Variants in CEMIP observed in about 807,000 individuals in gnomAD.
The protein encoded by CEMIP is cell migration-inducing and hyaluronan-binding protein.
CEMIP carries 105 observed loss-of-function variants against 156.9 expected under a neutral mutation model. The observed-to-expected ratio is 0.67, with a 90% CI of 0.57 to 0.79. The LOEUF is 0.79. Ranked by LOEUF, CEMIP falls within the 30% of genes least tolerant of loss-of-function variation. CEMIP has a pLI of 0.00. For missense variants in CEMIP, 1,457 were observed against 1,769.4 expected (o/e 0.82, Z 3.17); for synonymous variants, 676 against 668.4 (o/e 1.01, Z -0.17).
intron 29 of CEMIP, 183 bp downstream of exon 29, chr15:80,947,248 T>A: frequency 1.7e-6 from 1 of 598,222 alleles, no homozygotes; most frequent in Non-Finnish European, 3.0e-6. Context: ...GCCACCTGTT[T>A]ACCACCCCTG....
chr15:80,922,792 T>TC (rs1900523887), intron 17 of CEMIP, among the ~76,000 whole-genome samples: 1 of 152,126 alleles, frequency 6.6e-6, no homozygotes, highest in Admixed American at 6.5e-5. Context: ...GTCAAGGACT[T>TC]CCCAGTGAGG....
At chr15:80,868,195 GACC>G (rs1188756881) in intron 1 of CEMIP, among the ~76,000 whole-genome samples, 3 of 152,216 alleles carry the variant, frequency 2.0e-5, no homozygotes, top group Admixed American at 2.0e-4. Flanking sequence ...AAGCTTCTCT[GACC>G]ACCACAAGAA....
chr15:80,822,221 G>A (rs1033103716), intron 1 of CEMIP, among the ~76,000 whole-genome samples: 11 of 152,138 alleles, frequency 7.2e-5, no homozygotes, highest in South Asian at 2.1e-4. Context: ...TCCCAGTGCC[G>A]AGCCCAGAGC....
chr15:80,826,381 C>T (rs1897038504), intron 1 of CEMIP, among the ~76,000 whole-genome samples: 1 of 152,128 alleles, frequency 6.6e-6, no homozygotes. Flanking sequence ...TACATCTTGC[C>T]TTAGGGTAAG....
intron 1 of CEMIP, among the ~76,000 whole-genome samples, chr15:80,798,506 A>C (rs749571225): frequency 6.6e-6 from 1 of 152,200 alleles, no homozygotes; most frequent in Admixed American, 6.5e-5. Context: ...AATTGTGTAC[A>C]ACAGTGTTAT....
intron 10 of CEMIP, among the ~76,000 whole-genome samples, chr15:80,890,201 G>A (rs1898988799): frequency 6.6e-6 from 1 of 152,146 alleles, no homozygotes; most frequent in Non-Finnish European, 1.5e-5. Context: ...GGAGAAATAG[G>A]CAAAGTAAAT....
chr15:80,838,754 T>C (rs1385222678), intron 1 of CEMIP, among the ~76,000 whole-genome samples: 1 of 152,174 alleles, frequency 6.6e-6, no homozygotes, highest in Non-Finnish European at 1.5e-5. Flanking sequence ...AGTACTTCCA[T>C]GTTCTCTCTT....
At chr15:80,821,874 A>G (rs1193834368) in intron 1 of CEMIP, among the ~76,000 whole-genome samples, 1 of 152,228 alleles carries the variant, frequency 6.6e-6, no homozygotes, top group African/African-American at 2.4e-5. Context: ...TTAGAAAGGT[A>G]TGCATGTCAG....
At chr15:80,834,070 C>G (rs1897216763) in intron 1 of CEMIP, among the ~76,000 whole-genome samples, 1 of 152,188 alleles carries the variant, frequency 6.6e-6, no homozygotes, top group South Asian at 2.1e-4. Context: ...CCTTCATCCA[C>G]TAGGTGCCAA....
chr15:80,866,467 C>T (rs1268846144), intron 1 of CEMIP, among the ~76,000 whole-genome samples: 1 of 152,080 alleles, frequency 6.6e-6, no homozygotes, highest in African/African-American at 2.4e-5. Context: ...TGGTGGGCGC[C>T]TGTAATCCCA....
intron 12 of CEMIP, among the ~76,000 whole-genome samples, chr15:80,900,286 T>C (rs909521502): frequency 1.3e-5 from 2 of 151,826 alleles, no homozygotes; most frequent in South Asian, 4.2e-4. Flanking sequence ...ACTGCCTGGG[T>C]CAGCTGCTTC....
At chr15:80,781,396 G>A (rs1001257572) in intron 1 of CEMIP, among the ~76,000 whole-genome samples, 1 of 152,088 alleles carries the variant, frequency 6.6e-6, no homozygotes, top group East Asian at 1.9e-4. Flanking sequence ...ATTTCCAAAG[G>A]CTCCTTTTTA....
intron 1 of CEMIP, among the ~76,000 whole-genome samples, chr15:80,840,226 T>G (rs2141703964): frequency 6.6e-6 from 1 of 152,000 alleles, no homozygotes; most frequent in South Asian, 2.1e-4. Flanking sequence ...TGTGGAAGTG[T>G]GATAGAGGAG....
chr15:80,900,708 T>C (rs1482337433), intron 12 of CEMIP: 1 of 329,698 alleles, frequency 3.0e-6, no homozygotes, highest in African/African-American at 2.2e-5. Context: ...GTCTGTCTGT[T>C]CTGGAGAGGC....
In CEMIP at chr15:80,933,420, C is replaced by A. The variant is rs1901001425; in HGVS notation, c.2969C>A (p.Pro990His). 2 of 1,614,046 alleles carry A rather than the reference C, an allele frequency of 1.2e-6. No individual in the cohort carries two copies. The highest frequency in any genetic ancestry group is 1.7e-6 in the Non-Finnish European group (2 of 1,180,048). ...LVRHPDCINV[P>H]DWRGAICSGC... is the part of the protein sequence containing the mutation. The stretch of plus-strand genomic sequence containing the variant: ...CGGCACCCAGACTGCATCAATGTTC[C>A]CGACTGGAGAGGGGCCATTTGCAGT... Residue 990 changes from proline to histidine, a missense_variant, in exon 23 of 30, where the codon CCC becomes CAC. Pro to His is a moderately conservative substitution (Grantham distance 77, BLOSUM62 -2). Transcript: ENST00000394685.
rs557847058 is a variant in CEMIP, at chr15:80,880,564, T to C, written c.381-336T>C. Among the ~76,000 whole-genome samples the C allele has an allele frequency of 2.0e-5, 3 of 152,302 alleles. No individual in the cohort carries two copies. In the South Asian group the frequency reaches 6.2e-4, roughly 32 times the overall value. ...AATTCTGGTGCCTCAGCTTCCCAAA[T>C]AGCTGAAACTACAGGCATGTTCCAC... On this transcript the variant is annotated intron_variant, in intron 5 of 29. Coordinates refer to ENST00000394685, the MANE Select transcript of CEMIP (RefSeq NM_001293298.2).
chr15:80,920,277 C>T lies in CEMIP; in HGVS notation c.1981C>T (p.Pro661Ser). The T allele has an allele frequency of 6.2e-7, 1 of 1,614,124 alleles. No individual in the cohort carries two copies. Among genetic ancestry groups the T allele is most frequent in the Non-Finnish European group, 8.5e-7 (1 of 1,179,972 alleles). ...ITEDSYPGYI[P>S]KPRQDCNAVS... The stretch of plus-strand genomic sequence containing the variant: ...AGAGGACTCCTACCCGGGGTACATC[C>T]CCAAGCCCAGGCAAGACTGCAAGTA... Residue 661 changes from proline (P) to serine (S), a missense_variant, in exon 15 of 30, where the codon CCC (proline) becomes TCC (serine). Physicochemically the swap from Pro to Ser is moderately conservative, Grantham distance 74 (BLOSUM62 -1). This residue lies in a region of CEMIP where 798 missense variants were observed against 980.1 expected (regional missense o/e 0.81). Coordinates refer to ENST00000394685, the MANE Select transcript of CEMIP (RefSeq NM_001293298.2).
chr15:80,889,182 G>A (rs111838123), intron 9 of CEMIP, among the ~76,000 whole-genome samples: 8 of 152,348 alleles, frequency 5.3e-5, no homozygotes, highest in African/African-American at 1.7e-4. Flanking sequence ...CTTGGATAAC[G>A]GGTTTACAGA....
At chr15:80,818,009 T>C (rs1186752373) in intron 1 of CEMIP, among the ~76,000 whole-genome samples, 3 of 152,214 alleles carry the variant, frequency 2.0e-5, no homozygotes, top group Non-Finnish European at 4.4e-5. Context: ...TAATAGCATT[T>C]TTCCTATTTT....
Sources: gnomAD v4.1 joint callset for allele counts (sites outside exome capture counted in the v4.1 genomes callset) on GRCh38, gnomAD v4.1.1 for gene constraint, gnomAD v4.1.1 regional missense constraint, MANE v1.5 for transcripts, NCBI Gene and HGNC (gene_info 2026-07-23, HGNC 2026-07-21) for gene names.